Variants in HNF4A observed in about 807,000 individuals in gnomAD.
HNF4A encodes hepatocyte nuclear factor 4 alpha.
HNF4A carries 15 observed loss-of-function variants against 52.4 expected under a neutral mutation model. The observed-to-expected ratio is 0.29, with a 90% CI of 0.19 to 0.44. HNF4A has a LOEUF of 0.44. Among genes scored for constraint, HNF4A ranks in the 20% least tolerant of loss-of-function variants. The pLI is 1.00. For missense variants in HNF4A, 479 were observed against 647.2 expected (o/e 0.74, Z 2.82); for synonymous variants, 280 against 264.4 (o/e 1.06, Z -0.57).
At chr20:44,416,761 T>G (rs1021486728) in intron 5 of HNF4A, among the ~76,000 whole-genome samples, 5 of 152,244 alleles carry the variant, frequency 3.3e-5, no homozygotes, top group Non-Finnish European at 7.3e-5. Flanking sequence ...TGAAGGCTTA[T>G]TTTGTGCCAA....
In HNF4A at chr20:44,429,378, T is replaced by C. The variant is rs3746574; in HGVS notation, c.1283-145T>C. Reference sequence around the variant, plus strand: ...ATAAAAGACCTTAGGGATTATCTGGTTTAATTAATTCTCTCATTTTATAGA... The same window carrying C: ...ATAAAAGACCTTAGGGATTATCTGGCTTAATTAATTCTCTCATTTTATAGA... On this transcript the variant is annotated intron_variant, in intron 9 of 9. Transcript: ENST00000316099. 0.48 allele frequency: 425,907 copies of C among 878,484 alleles called. 106,498 individuals are homozygous for C. The highest frequency in any genetic ancestry group is 0.56 in the Middle Eastern group (1,677 of 2,992). 54.4% of individuals were successfully genotyped at this position (878,484 alleles called of 1,614,324 possible).
intron 1 of HNF4A, among the ~76,000 whole-genome samples, chr20:44,388,901 C>T (rs1382049239): frequency 2.0e-5 from 3 of 152,228 alleles, no homozygotes; most frequent in African/African-American, 7.2e-5. Flanking sequence ...GGCCTCTTCC[C>T]CTGGCTCCCA....
chr20:44,415,057 G>C (rs2063644181), intron 5 of HNF4A, among the ~76,000 whole-genome samples: 1 of 152,162 alleles, frequency 6.6e-6, no homozygotes, highest in African/African-American at 2.4e-5. Flanking sequence ...AGGGACCCTA[G>C]GACAGGGATC....
intron 1 of HNF4A, among the ~76,000 whole-genome samples, chr20:44,384,877 C>T (rs1464498180): frequency 1.3e-5 from 2 of 151,872 alleles, no homozygotes; most frequent in Non-Finnish European, 2.9e-5. Flanking sequence ...ATGGCCCATC[C>T]CACCAAGTGG....
intron 1 of HNF4A, among the ~76,000 whole-genome samples, chr20:44,364,325 G>C (rs1169406083): frequency 6.6e-6 from 1 of 152,100 alleles, no homozygotes; most frequent in Non-Finnish European, 1.5e-5. Flanking sequence ...ACCTGCTCAT[G>C]CCACTGCACC....
intron 1 of HNF4A, 28 bp from the exon 2 acceptor site, chr20:44,406,030 A>G: frequency 6.2e-7 from 1 of 1,607,162 alleles, no homozygotes; most frequent in South Asian, 1.1e-5. Flanking sequence ...TTCTTCCTGA[A>G]GCCTCACTCC....
At chr20:44,384,481 C>T (rs1339033180) in intron 1 of HNF4A, 1 of 152,028 alleles carries the variant, frequency 6.6e-6, no homozygotes, top group Non-Finnish European at 1.5e-5. Flanking sequence ...ACAAAAAAAC[C>T]CCTAAGTCTC....
At chr20:44,402,809 A>G (rs1056333672) in intron 1 of HNF4A, among the ~76,000 whole-genome samples, 2 of 152,206 alleles carry the variant, frequency 1.3e-5, no homozygotes, top group African/African-American at 4.8e-5. Flanking sequence ...CTGCAGCTCC[A>G]GCTGAGGTCT....
Position 44,431,690 on chromosome 20 carries a change from G to A in HNF4A, c.*2025G>A, listed in dbSNP as rs1438611771. ...TGCCACTGACCAGTGTGAACAAAAG[G>A]GATGTGTTATGGGGCTGGAGGTGTG... On this transcript the variant is annotated 3_prime_UTR_variant, in exon 10 of 10. Coordinates refer to ENST00000316099, the MANE Select transcript of HNF4A (RefSeq NM_000457.6). 1.3e-5 allele frequency: 2 copies of A among 152,244 alleles called. No individual in the cohort carries two copies. Among genetic ancestry groups the A allele is most frequent in the Non-Finnish European group, 2.9e-5 (2 of 68,114 alleles). 9.4% of individuals were successfully genotyped at this position (152,244 alleles called of 1,614,324 possible).
At chr20:44,424,314 C>T in intron 8 of HNF4A, 60 bp downstream of exon 8, 1 of 1,601,156 alleles carries the variant, frequency 6.2e-7, no homozygotes, top group East Asian at 2.2e-5. Flanking sequence ...AGACAGGCCT[C>T]ACACAGTGAG....
At chr20:44,405,528 G>C (rs949637521) in intron 1 of HNF4A, among the ~76,000 whole-genome samples, 2 of 152,140 alleles carry the variant, frequency 1.3e-5, no homozygotes, top group South Asian at 2.1e-4. Context: ...TGGGATGGGA[G>C]GGATGGGAGA....
At chr20:44,369,294 T>G (rs12480463) in intron 1 of HNF4A, among the ~76,000 whole-genome samples, 1 of 133,156 alleles carries the variant, frequency 7.5e-6, no homozygotes, top group African/African-American at 2.8e-5. Flanking sequence ...CCGGCCACAG[T>G]GGCTCAAAAT....
At chr20:44,411,249 G>A (rs1295898977) in intron 3 of HNF4A, among the ~76,000 whole-genome samples, 1 of 152,178 alleles carries the variant, frequency 6.6e-6, no homozygotes, top group Non-Finnish European at 1.5e-5. Context: ...CCCCTACCCA[G>A]GAGTTCCCTG....
At chr20:44,399,157 G>A (rs2063379789), upstream of HNF4A, among the ~76,000 whole-genome samples, 1 of 152,200 alleles carries the variant, frequency 6.6e-6, no homozygotes, top group African/African-American at 2.4e-5. Context: ...TCCTGAGGTA[G>A]GCATGGGAGG....
rs150002065 is a variant in HNF4A at position 44,370,715 on chromosome 20, G to A, written c.49+14862G>A. Among the ~76,000 whole-genome samples the A allele has an allele frequency of 5.3e-3, 813 of 152,292 alleles. 7 individuals are homozygous for A. Among genetic ancestry groups the A allele is most frequent in the African/African-American group, 0.018 (756 of 41,568 alleles). On this transcript the variant is annotated intron_variant, in intron 1 of 9. Transcript: ENST00000316673. ...CAGTAGGCGCCCCATAAGTATTTGC[G>A]GAATGAGCAAATACAGATGGGGACA...
chr20:44,363,674 C>G (rs912872804), intron 1 of HNF4A, among the ~76,000 whole-genome samples: 3 of 149,998 alleles, frequency 2.0e-5, no homozygotes, highest in Non-Finnish European at 4.4e-5. Flanking sequence ...TGACCTCACT[C>G]AAGTCCTTCT....
At chr20:44,410,021 G>C (rs1205721362) in intron 3 of HNF4A, among the ~76,000 whole-genome samples, 1 of 152,180 alleles carries the variant, frequency 6.6e-6, no homozygotes, top group Non-Finnish European at 1.5e-5. Context: ...ATTTTTAGTA[G>C]AGACAGGGTT....
intron 1 of HNF4A, among the ~76,000 whole-genome samples, chr20:44,387,394 T>A (rs1365013446): frequency 6.7e-6 from 1 of 149,308 alleles, no homozygotes; most frequent in Non-Finnish European, 1.5e-5. Context: ...CTAGTATGCC[T>A]GCTGCTGATA....
chr20:44,413,891 G>A (rs148408302), intron 4 of HNF4A, 91 bp downstream of exon 4: 9 of 870,602 alleles, frequency 1.0e-5, no homozygotes, highest in Middle Eastern at 2.4e-4. Flanking sequence ...GCCAGGCCCT[G>A]GAGCAGCTGA....
Sources: gnomAD v4.1 joint callset for allele counts (sites outside exome capture counted in the v4.1 genomes callset) on GRCh38, gnomAD v4.1.1 for gene constraint, MANE v1.5 for transcripts, NCBI Gene and HGNC (gene_info 2026-07-23, HGNC 2026-07-21) for gene names.